Variants in PDE4D observed in about 807,000 individuals in gnomAD.
The protein encoded by PDE4D is phosphodiesterase 4D.
Under a neutral mutation model 87.4 loss-of-function variants are expected in PDE4D, and 24 were observed. The ratio of observed to expected loss-of-function variants is 0.27; its 90% CI spans 0.20 to 0.39. The LOEUF is 0.39. Among genes scored for constraint, PDE4D ranks in the 10% least tolerant of loss-of-function variants. The pLI, the probability that PDE4D is intolerant of heterozygous loss-of-function variation, is 1.00. For synonymous variants in PDE4D, 384 were observed against 383.2 expected (o/e 1.00, Z -0.02); for missense variants, 714 against 1,041.0 (o/e 0.69, Z 4.32).
chr5:59,448,673 G>A lies in PDE4D; in HGVS notation c.456-232705C>T, dbSNP rs75949980. On this transcript the variant is annotated intron_variant, in intron 1 of 14. Transcript: ENST00000340635. ...ATATCCCTTTTTGGCGGGGGAGGTGGAAGGACATCCAGGCTAGAGTGCAGT... is the reference window on the plus strand; with the variant it reads ...ATATCCCTTTTTGGCGGGGGAGGTGAAAGGACATCCAGGCTAGAGTGCAGT... Among the ~76,000 whole-genome samples, 135 of 152,246 alleles carry A rather than the reference G, an allele frequency of 8.9e-4. 2 individuals are homozygous for A. The East Asian group carries it at 0.016, about 19-fold the overall frequency.
At chr5:59,540,674 C>T (rs1816170725) in intron 1 of PDE4D, among the ~76,000 whole-genome samples, 1 of 152,132 alleles carries the variant, frequency 6.6e-6, no homozygotes. Context: ...CTCATAGCCA[C>T]AAAGGAAGGG....
chr5:59,427,337 A>ACACACACG (rs1279562334), intron 1 of PDE4D, among the ~76,000 whole-genome samples: 1 of 135,584 alleles, frequency 7.4e-6, no homozygotes, highest in South Asian at 2.2e-4. Flanking sequence ...ACACACACAC[A>ACACACACG]CGCCCCTATG....
chr5:59,491,733 ACTAT>A (rs1462407119), intron 1 of PDE4D, among the ~76,000 whole-genome samples: 2 of 152,218 alleles, frequency 1.3e-5, no homozygotes, highest in Non-Finnish European at 2.9e-5. Flanking sequence ...ACTTAATCTA[ACTAT>A]CTAATAACAA....
chr5:59,657,174 A>G (rs1744501507), intron 1 of PDE4D, among the ~76,000 whole-genome samples: 1 of 152,196 alleles, frequency 6.6e-6, no homozygotes, highest in Non-Finnish European at 1.5e-5. Context: ...CAAAATAAAG[A>G]CTACTCGGAA....
At chr5:59,602,191 G>A (rs576641768) in intron 1 of PDE4D, among the ~76,000 whole-genome samples, 11 of 152,030 alleles carry the variant, frequency 7.2e-5, no homozygotes, top group African/African-American at 1.9e-4. Flanking sequence ...TTCAATAGAC[G>A]CAGAAAAAGC....
At chr5:60,186,725 G>C (rs1052530669) in intron 1 of PDE4D, among the ~76,000 whole-genome samples, 1 of 152,118 alleles carries the variant, frequency 6.6e-6, no homozygotes, top group South Asian at 2.1e-4. Context: ...TTAAGGAAAA[G>C]AGTAACAGTG....
chr5:60,192,076 CA>C (rs1785241277), intron 1 of PDE4D, among the ~76,000 whole-genome samples: 1 of 152,046 alleles, frequency 6.6e-6, no homozygotes. Flanking sequence ...TAATATGTAA[CA>C]TACATTGTAC....
Position 59,049,214 on chromosome 5 carries a change from A to G in PDE4D, c.809-10243T>C, listed in dbSNP as rs559630362. ...TATATTTGTGTCTAGGCCTTTCTAT[A>G]ACTGTCTAGAAAATTCCTGACATTT... On this transcript the variant is annotated intron_variant, in intron 5 of 14. Coordinates refer to ENST00000340635, the MANE Select transcript of PDE4D (RefSeq NM_001104631.2). Among the ~76,000 whole-genome samples the G allele has an allele frequency of 3.9e-5, 6 of 152,292 alleles. 1 individual carries two copies. The South Asian group carries it at 1.2e-3, about 32-fold the overall frequency.
intron 1 of PDE4D, among the ~76,000 whole-genome samples, chr5:60,418,327 G>A (rs1018082296): frequency 6.6e-6 from 1 of 152,020 alleles, no homozygotes; most frequent in Non-Finnish European, 1.5e-5. Flanking sequence ...GCACAAAAAG[G>A]GGAGAATAAT....
At chr5:60,475,720 C>T (rs1237015903) in intron 1 of PDE4D, among the ~76,000 whole-genome samples, 1 of 149,024 alleles carries the variant, frequency 6.7e-6, no homozygotes, top group Admixed American at 6.8e-5. Context: ...TTCCTGTTTG[C>T]AGAGAATTTA....
At chr5:59,245,965 G>A (rs1022690642) in intron 1 of PDE4D, among the ~76,000 whole-genome samples, 3 of 151,630 alleles carry the variant, frequency 2.0e-5, no homozygotes, top group African/African-American at 7.3e-5. Context: ...AAGTGTGTGT[G>A]TGTGTCTGTG....
rs146120765 is a variant in PDE4D, at chr5:59,441,495, C to T, written c.456-225527G>A. On this transcript the variant is annotated intron_variant, in intron 1 of 14. Coordinates refer to ENST00000340635, the MANE Select transcript of PDE4D (RefSeq NM_001104631.2). ...TCAGTCTCGGTTCTTTTGGCAGTTC[C>T]GAAGACATCATGATTCCCAGATGCT... 3.9e-5 allele frequency among the ~76,000 whole-genome samples: 6 copies of T among 152,244 alleles called. No individual in the cohort carries two copies. The East Asian group carries it at 1.2e-3, about 29-fold the overall frequency.
intron 1 of PDE4D, among the ~76,000 whole-genome samples, chr5:59,780,110 T>A (rs1362829559): frequency 6.6e-6 from 1 of 152,210 alleles, no homozygotes; most frequent in Non-Finnish European, 1.5e-5. Context: ...ACGCCTGTAA[T>A]CCCAGCACTT....
At chr5:59,594,123 A>G (rs1291613462) in intron 1 of PDE4D, among the ~76,000 whole-genome samples, 1 of 147,134 alleles carries the variant, frequency 6.8e-6, no homozygotes, top group East Asian at 2.0e-4. Context: ...AGCCCACGTT[A>G]GCCATTCTCT....
At chr5:59,961,457 C>T (rs984970054) in intron 3 of PDE4D, among the ~76,000 whole-genome samples, 2 of 152,060 alleles carry the variant, frequency 1.3e-5, no homozygotes, top group African/African-American at 2.4e-5. Context: ...ACCAGCCCTA[C>T]AGCACCTTGA....
intron 1 of PDE4D, among the ~76,000 whole-genome samples, chr5:59,398,248 A>G (rs200448004): frequency 0.029 from 2,407 of 81,774 alleles, 24 homozygotes; most frequent in African/African-American, 0.038. Context: ...GCATCATTCT[A>G]ATACCAAAGC....
intron 1 of PDE4D, among the ~76,000 whole-genome samples, chr5:59,625,600 T>C (rs1195519759): frequency 6.6e-6 from 1 of 152,178 alleles, no homozygotes; most frequent in Non-Finnish European, 1.5e-5. Flanking sequence ...CTGGATAATT[T>C]ATTGCTGCAT....
At chr5:59,009,298 A>G (rs985628584) in intron 6 of PDE4D, among the ~76,000 whole-genome samples, 1 of 152,182 alleles carries the variant, frequency 6.6e-6, no homozygotes, top group African/African-American at 2.4e-5. Context: ...AACTCTCTAT[A>G]GCAGAAACCC....
At chr5:58,992,336 T>C (rs1280783954) in intron 7 of PDE4D, among the ~76,000 whole-genome samples, 1 of 152,202 alleles carries the variant, frequency 6.6e-6, no homozygotes, top group Non-Finnish European at 1.5e-5. Flanking sequence ...ATTTCCACTG[T>C]TCAATTCCAT....
Sources: gnomAD v4.1 joint callset for allele counts (sites outside exome capture counted in the v4.1 genomes callset) on GRCh38, gnomAD v4.1.1 for gene constraint, MANE v1.5 for transcripts, NCBI Gene and HGNC (gene_info 2026-07-23, HGNC 2026-07-21) for gene names.